ZNF536: variants seen among roughly 807,000 people sequenced by gnomAD.
The protein encoded by ZNF536 is zinc finger protein 536.
A neutral mutation model predicts 84.5 loss-of-function variants in ZNF536; 13 were observed. The ratio of observed to expected loss-of-function variants is 0.15; its 90% CI spans 0.10 to 0.24. ZNF536 has a LOEUF of 0.24. ZNF536 is among the 10% of genes least tolerant of loss of function. The pLI is 1.00. For missense variants in ZNF536, 1,536 were observed against 1,747.5 expected, an observed-to-expected ratio of 0.88 and a Z score of 2.16; for synonymous variants, 811 against 742.5, an observed-to-expected ratio of 1.09 and a Z score of -1.50.
chr19:30,231,412 C>A (rs1015699461), intron 1 of ZNF536, among the ~76,000 whole-genome samples: 11 of 152,214 alleles, frequency 7.2e-5, no homozygotes, highest in Non-Finnish European at 1.3e-4. Flanking sequence ...ACTAGTGGGG[C>A]CTTGTGAGTG....
chr19:30,258,702 T>C (rs1051243030), intron 1 of ZNF536, among the ~76,000 whole-genome samples: 4 of 148,224 alleles, frequency 2.7e-5, no homozygotes, highest in African/African-American at 1.0e-4. Flanking sequence ...TAAATATTTA[T>C]TTATTTATTT....
At chr19:30,700,266 CTCTT>C (rs1243323566) in intron 1 of ZNF536, among the ~76,000 whole-genome samples, 1 of 137,064 alleles carries the variant, frequency 7.3e-6, no homozygotes, top group Non-Finnish European at 1.6e-5. Flanking sequence ...TTCTTTCTTT[CTCTT>C]TGTGTCTTTC....
intron 1 of ZNF536, among the ~76,000 whole-genome samples, chr19:30,688,570 G>T (rs553570552): frequency 6.6e-6 from 1 of 152,216 alleles, no homozygotes; most frequent in East Asian, 1.9e-4. Flanking sequence ...TATATTCCGC[G>T]ATACACATTT....
intron 1 of ZNF536, among the ~76,000 whole-genome samples, chr19:30,602,158 G>C (rs1276008424): frequency 2.0e-5 from 3 of 152,226 alleles, no homozygotes; most frequent in Non-Finnish European, 4.4e-5. Flanking sequence ...TTGATGCAAT[G>C]ATGAGGAATA....
chr19:30,306,210 G>A (rs934606280), intron 2 of ZNF536, among the ~76,000 whole-genome samples: 1 of 57,514 alleles, frequency 1.7e-5, no homozygotes, highest in South Asian at 6.3e-4. Flanking sequence ...TTTTTTTTTT[G>A]TAAAGAGATG....
chr19:30,235,050 G>A (rs1460014053), intron 1 of ZNF536, among the ~76,000 whole-genome samples: 1 of 152,206 alleles, frequency 6.6e-6, no homozygotes, highest in Admixed American at 6.5e-5. Flanking sequence ...GGGCTCTTCG[G>A]TGTAGGTATG....
rs187894968 is a variant in ZNF536 at position 30,528,855 on chromosome 19, G to A, written c.2171-5992G>A. Among the ~76,000 whole-genome samples, 139 of 151,478 alleles carry A rather than the reference G, an allele frequency of 9.2e-4. 2 individuals are homozygous for A. The highest frequency in any genetic ancestry group is 3.3e-3 in the African/African-American group (136 of 41,208). On this transcript the variant is annotated intron_variant, in intron 2 of 4. Coordinates refer to ENST00000355537, the MANE Select transcript of ZNF536 (RefSeq NM_014717.3). ...GTCCTTTTTACAGTCATTTCTTCTCGCCTCTTTAAGACCCAACATCAGTAT... is the reference window on the plus strand; with the variant it reads ...GTCCTTTTTACAGTCATTTCTTCTCACCTCTTTAAGACCCAACATCAGTAT...
intron 1 of ZNF536, among the ~76,000 whole-genome samples, chr19:30,404,796 C>A (rs2050199305): frequency 6.6e-6 from 1 of 152,114 alleles, no homozygotes; most frequent in South Asian, 2.1e-4. Flanking sequence ...TTCAATTCTG[C>A]CACCATCTAC....
chr19:30,709,100 C>A (rs907017991), intron 1 of ZNF536, among the ~76,000 whole-genome samples: 14 of 152,058 alleles, frequency 9.2e-5, no homozygotes, highest in Non-Finnish European at 8.8e-5. Flanking sequence ...GATGTTTTAC[C>A]AGTTCCTCGA....
chr19:30,421,961 T>G (rs2050978331), intron 1 of ZNF536, among the ~76,000 whole-genome samples: 1 of 152,176 alleles, frequency 6.6e-6, no homozygotes. Context: ...TTTAGGGTAA[T>G]GATATAGTTT....
At chr19:30,585,545 A>C (rs1050720521) in intron 1 of ZNF536, among the ~76,000 whole-genome samples, 3 of 152,214 alleles carry the variant, frequency 2.0e-5, no homozygotes, top group Admixed American at 1.3e-4. Flanking sequence ...TTAGCTGGGC[A>C]CTGAGAAAGT....
At chr19:30,312,487 C>T (rs775380389) in intron 2 of ZNF536, among the ~76,000 whole-genome samples, 5 of 152,278 alleles carry the variant, frequency 3.3e-5, no homozygotes, top group Non-Finnish European at 5.9e-5. Context: ...GGATTCCTTG[C>T]GATCTTTTTT....
At chr19:30,676,988 G>A in intron 1 of ZNF536, among the ~76,000 whole-genome samples, 1 of 152,148 alleles carries the variant, frequency 6.6e-6, no homozygotes, top group East Asian at 1.9e-4. Flanking sequence ...TAATAGTTGT[G>A]AGCCGACACA....
At chr19:30,312,466 A>G (rs888941489) in intron 2 of ZNF536, among the ~76,000 whole-genome samples, 7 of 152,220 alleles carry the variant, frequency 4.6e-5, no homozygotes, top group African/African-American at 1.7e-4. Context: ...ACTTCCAAAA[A>G]CAAGCTTCTG....
intron 1 of ZNF536, among the ~76,000 whole-genome samples, chr19:30,247,063 G>A (rs1202614135): frequency 1.3e-5 from 2 of 152,194 alleles, no homozygotes; most frequent in Admixed American, 1.3e-4. Flanking sequence ...TGGGGTTTGG[G>A]CATTGCCTCA....
chr19:30,430,386 TG>T (rs887344306), intron 1 of ZNF536, among the ~76,000 whole-genome samples: 13 of 152,152 alleles, frequency 8.5e-5, no homozygotes, highest in Non-Finnish European at 1.5e-4. Context: ...TGTTGGGTGC[TG>T]GGGGGGACCC....
intron 2 of ZNF536, among the ~76,000 whole-genome samples, chr19:30,467,691 C>T (rs1488670812): frequency 3.3e-5 from 5 of 152,196 alleles, no homozygotes; most frequent in Admixed American, 6.5e-5. Flanking sequence ...CAGAGGCCAG[C>T]GGGACCTCTT....
intron 1 of ZNF536, among the ~76,000 whole-genome samples, chr19:30,662,109 C>T (rs1756235744): frequency 6.6e-6 from 1 of 152,194 alleles, no homozygotes; most frequent in African/African-American, 2.4e-5. Flanking sequence ...CCTCCGATGC[C>T]ATCTCCTGCC....
chr19:30,632,365 G>T (rs2048915830), intron 1 of ZNF536, among the ~76,000 whole-genome samples: 1 of 152,144 alleles, frequency 6.6e-6, no homozygotes, highest in Non-Finnish European at 1.5e-5. Flanking sequence ...CAACACTTTG[G>T]GAGGCCAAGG....
Sources: gnomAD v4.1 joint callset for allele counts (sites outside exome capture counted in the v4.1 genomes callset) on GRCh38, gnomAD v4.1.1 for gene constraint, MANE v1.5 for transcripts, NCBI Gene and HGNC (gene_info 2026-07-23, HGNC 2026-07-21) for gene names.